Variants in S100PBP observed in about 807,000 individuals in gnomAD.
The protein encoded by S100PBP is S100P binding protein.
In S100PBP, 15 loss-of-function variants were observed where a neutral mutation model predicts 39.9. The observed-to-expected ratio is 0.38, with a 90% CI of 0.25 to 0.58. S100PBP has a LOEUF of 0.58. Ranked by LOEUF, S100PBP falls within the 20% of genes least tolerant of loss-of-function variation. The pLI, the probability that S100PBP is intolerant of heterozygous loss-of-function variation, is 0.70. For missense variants in S100PBP, 504 were observed against 487.3 expected, an observed-to-expected ratio of 1.03 and a Z score of -0.32; for synonymous variants, 178 against 180.3, an observed-to-expected ratio of 0.99 and a Z score of 0.10.
rs1640878108 is a variant in S100PBP, at chr1:32,857,741, C to A, written c.*1703C>A. ...TAGCCTGTGTTTAGTTTTGTGATTT[C>A]ATCAATCCCATCTTTCTGTGTGAGT... On this transcript the variant is annotated 3_prime_UTR_variant, in exon 7 of 7. Coordinates refer to ENST00000373475, the MANE Select transcript of S100PBP (RefSeq NM_022753.4). 1 of 152,202 alleles carries A rather than the reference C, an allele frequency of 6.6e-6. No individual in the cohort carries two copies. The highest frequency in any genetic ancestry group is 1.5e-5 in the Non-Finnish European group (1 of 68,042). 9.4% of individuals were successfully genotyped at this position (152,202 alleles called of 1,614,324 possible).
chr1:32,830,309 C>T (rs778267056), intron 5 of S100PBP, among the ~76,000 whole-genome samples: 2 of 152,140 alleles, frequency 1.3e-5, no homozygotes, highest in Non-Finnish European at 2.9e-5. Context: ...AGGTGCCTCC[C>T]TCATGGTTGA....
chr1:32,830,376 C>A (rs193083062), intron 5 of S100PBP, among the ~76,000 whole-genome samples: 1 of 152,032 alleles, frequency 6.6e-6, no homozygotes, highest in Non-Finnish European at 1.5e-5. Flanking sequence ...TGAAAAATAA[C>A]GGAAGTGGAT....
At chr1:32,840,600 G>A (rs900842244) in intron 5 of S100PBP, among the ~76,000 whole-genome samples, 20 of 151,438 alleles carry the variant, frequency 1.3e-4, no homozygotes, top group South Asian at 6.3e-4. Context: ...CAGGTGATCC[G>A]CCTGCCTCGG....
At chr1:32,822,791 T>G (rs1333435260) in intron 1 of S100PBP, among the ~76,000 whole-genome samples, 1 of 152,166 alleles carries the variant, frequency 6.6e-6, no homozygotes, top group Non-Finnish European at 1.5e-5. Context: ...GCCCATTTTT[T>G]TGCATCTGAA....
chr1:32,818,944 AC>A (rs1237896005), intron 1 of S100PBP: 1 of 152,100 alleles, frequency 6.6e-6, no homozygotes, highest in Non-Finnish European at 1.5e-5. Flanking sequence ...TACCTGTCAG[AC>A]CCTGCTTGGT....
chr1:32,830,145 A>G, intron 5 of S100PBP, 78 bp downstream of exon 5: 2 of 872,996 alleles, frequency 2.3e-6, no homozygotes, highest in Non-Finnish European at 3.7e-6. Flanking sequence ...TTAAACTGGG[A>G]GATTGTTTAG....
chr1:32,841,292 C>G (rs919534797), intron 5 of S100PBP, among the ~76,000 whole-genome samples: 1 of 152,012 alleles, frequency 6.6e-6, no homozygotes, highest in Admixed American at 6.6e-5. Context: ...CCAGTATATG[C>G]CTTGTCTTTT....
intron 5 of S100PBP, 121 bp downstream of exon 5, chr1:32,830,188 C>T (rs1245095384): frequency 1.5e-6 from 1 of 673,880 alleles, no homozygotes; most frequent in African/African-American, 1.8e-5. Context: ...AGATAACTTC[C>T]TTACTTAAAA....
intron 5 of S100PBP, among the ~76,000 whole-genome samples, chr1:32,849,140 TC>T (rs1195085034): frequency 2.7e-5 from 4 of 149,888 alleles, no homozygotes; most frequent in South Asian, 4.2e-4. Flanking sequence ...ATCTTTTCTT[TC>T]TTTTTTTTTC....
intron 5 of S100PBP, among the ~76,000 whole-genome samples, chr1:32,842,232 TATATACACACACAC>T (rs1475961230): frequency 5.0e-5 from 4 of 80,794 alleles, no homozygotes; most frequent in Non-Finnish European, 8.6e-5. Flanking sequence ...TATATATATA[TATATACACACACAC>T]ACACACACAC....
chr1:32,856,117 T>C lies in S100PBP; in HGVS notation c.*79T>C, dbSNP rs1049080700. 9.9e-6 allele frequency: 9 copies of C among 909,890 alleles called. No individual in the cohort carries two copies. The highest frequency in any genetic ancestry group is 1.5e-5 in the Non-Finnish European group (9 of 594,082). 56.4% of individuals were successfully genotyped at this position (909,890 alleles called of 1,614,324 possible). The stretch of plus-strand genomic sequence containing the variant: ...AGCATTTCATGTTCTTTTGCTGTTT[T>C]GTGCTTTGCCGATTTTGGATTTTAT... On this transcript the variant is annotated 3_prime_UTR_variant, in exon 7 of 7. Coordinates refer to ENST00000373475, the MANE Select transcript of S100PBP (RefSeq NM_022753.4).
chr1:32,837,200 T>C lies in S100PBP; in HGVS notation c.1024+7133T>C, dbSNP rs578262590. The C allele has an allele frequency of 2.7e-5, 4 of 150,608 alleles. No individual in the cohort carries two copies. The South Asian group carries it at 6.4e-4, about 24-fold the overall frequency. The allele number at this position is 150,608 out of a possible 1,614,324, so 9.3% of individuals were successfully genotyped here. On this transcript the variant is annotated intron_variant, in intron 5 of 6. Transcript: ENST00000373475. ...AAAAGAAATTTGAAGACATTCAGTA[T>C]TGCTCTTAAGAAGTCTGAAGTCTGT... is the stretch of plus-strand genomic sequence containing the variant.
At position 32,826,422 on chromosome 1, in the gene S100PBP, C is replaced by T; in HGVS notation, c.323C>T (p.Ala108Val). 7 of 1,614,116 alleles carry T rather than the reference C, an allele frequency of 4.3e-6. No homozygotes were observed. The highest frequency in any genetic ancestry group is 5.9e-6 in the Non-Finnish European group (7 of 1,180,026). ...TCATCGTACAGCCTGGGACCAGTAG[C>T]TGAGACTCCTGACCTCTTCAAACTA... ...KNSSYSLGPV[A>V]ETPDLFKLPQ... Residue 108 changes from alanine (A) to valine (V), a missense_variant, in exon 3 of 7, where the codon GCT becomes GTT. Physicochemically the swap from Ala to Val is moderately conservative, Grantham distance 64. Coordinates refer to ENST00000373475, the MANE Select transcript of S100PBP (RefSeq NM_022753.4).
In S100PBP at chr1:32,817,658, C is replaced by T. The variant is rs972950843; in HGVS notation, c.-151C>T. The T allele has an allele frequency of 2.2e-4, 56 of 249,422 alleles. No homozygotes were observed. The highest frequency in any genetic ancestry group is 3.9e-4 in the Admixed American group (8 of 20,698). 15.5% of individuals were successfully genotyped at this position (249,422 alleles called of 1,614,324 possible). On this transcript the variant is annotated 5_prime_UTR_variant, in exon 1 of 7. Coordinates refer to ENST00000373475, the MANE Select transcript of S100PBP (RefSeq NM_022753.4). Reference sequence around the variant, plus strand: ...CGCAGGGGGCGGAGTGAGGCGCAGTCGTTCGCCCAGGCTTTGGCCCGGCTT... The same window carrying T: ...CGCAGGGGGCGGAGTGAGGCGCAGTTGTTCGCCCAGGCTTTGGCCCGGCTT...
chr1:32,834,277 C>A (rs866399378), intron 5 of S100PBP, among the ~76,000 whole-genome samples: 12 of 151,984 alleles, frequency 7.9e-5, no homozygotes, highest in African/African-American at 2.7e-4. Flanking sequence ...ATTCCAATTT[C>A]CTTAGTTGTC....
intron 1 of S100PBP, among the ~76,000 whole-genome samples, chr1:32,823,407 A>G (rs1171160011): frequency 6.6e-6 from 1 of 152,252 alleles, no homozygotes; most frequent in African/African-American, 2.4e-5. Flanking sequence ...AGCTGCTTCA[A>G]CACCTAGAAC....
chr1:32,848,199 C>A (rs1161914199), intron 5 of S100PBP, among the ~76,000 whole-genome samples: 1 of 151,918 alleles, frequency 6.6e-6, no homozygotes, highest in African/African-American at 2.4e-5. Context: ...CCCAGCTACT[C>A]GGGAGGCTGA....
chr1:32,841,140 G>A (rs1322220446), intron 5 of S100PBP, among the ~76,000 whole-genome samples: 3 of 146,150 alleles, frequency 2.1e-5, no homozygotes, highest in Non-Finnish European at 3.0e-5. Flanking sequence ...CAGCCTGGGC[G>A]ACAGAGCAAG....
At chr1:32,850,758 A>G (rs1640575723) in intron 5 of S100PBP, among the ~76,000 whole-genome samples, 1 of 152,258 alleles carries the variant, frequency 6.6e-6, no homozygotes, top group African/African-American at 2.4e-5. Context: ...CTTTTTTAAC[A>G]GTAGAGAAAC....
Sources: gnomAD v4.1 joint callset for allele counts (sites outside exome capture counted in the v4.1 genomes callset) on GRCh38, gnomAD v4.1.1 for gene constraint, MANE v1.5 for transcripts, NCBI Gene and HGNC (gene_info 2026-07-23, HGNC 2026-07-21) for gene names.